Variants in MYO5C observed in about 807,000 individuals in gnomAD.
MYO5C encodes unconventional myosin-Vc.
MYO5C carries 194 observed loss-of-function variants against 235.7 expected under a neutral mutation model. The ratio of observed to expected loss-of-function variants is 0.82; its 90% CI spans 0.73 to 0.93. The LOEUF (loss-of-function observed/expected upper bound fraction) is 0.93, where lower values mean the gene tolerates loss of function less well. MYO5C is among the 40% of genes least tolerant of loss of function. The pLI is 0.00. For synonymous variants in MYO5C, 707 were observed against 754.8 expected, an observed-to-expected ratio of 0.94 and a Z score of 1.04; for missense variants, 2,038 against 2,127.2, an observed-to-expected ratio of 0.96 and a Z score of 0.82.
Position 52,295,658 on chromosome 15 carries a change from G to T in MYO5C, c.-22C>A. On this transcript the variant is annotated 5_prime_UTR_variant, in exon 1 of 41. The change creates a new upstream start codon in the 5' untranslated region. Transcript: ENST00000261839. The stretch of plus-strand genomic sequence containing the variant: ...CCATGGGCAGGAGGGGCCGGGGCCA[G>T]GCCGGGGCTGCCGAACGTGCGAGGC... 1 of 1,426,928 alleles carries T rather than the reference G, an allele frequency of 7.0e-7. No individual in the cohort carries two copies. Among genetic ancestry groups the T allele is most frequent in the South Asian group, 1.5e-5 (1 of 68,280 alleles). 88.4% of individuals were successfully genotyped at this position (1,426,928 alleles called of 1,614,324 possible).
At chr15:52,207,733 G>C (rs768512356) in intron 36 of MYO5C, among the ~76,000 whole-genome samples, 2 of 152,114 alleles carry the variant, frequency 1.3e-5, no homozygotes, top group African/African-American at 2.4e-5. Context: ...AGGAAAATTA[G>C]AAGCTAAGCT....
At chr15:52,196,925 TTA>T (rs1171387837) in intron 38 of MYO5C, among the ~76,000 whole-genome samples, 2 of 152,188 alleles carry the variant, frequency 1.3e-5, no homozygotes, top group African/African-American at 4.8e-5. Context: ...CCACATGGGT[TTA>T]TGAGTTAAGA....
chr15:52,279,700 C>G, intron 2 of MYO5C, 26 bp from the exon 3 acceptor site: 1 of 1,588,714 alleles, frequency 6.3e-7, no homozygotes, highest in Non-Finnish European at 8.6e-7. Context: ...AAAATTAAAG[C>G]TCTGGAAATA....
chr15:52,262,714 A>G (rs1784462179), intron 9 of MYO5C, among the ~76,000 whole-genome samples: 1 of 152,206 alleles, frequency 6.6e-6, no homozygotes, highest in Non-Finnish European at 1.5e-5. Flanking sequence ...CTCATGCTCC[A>G]CTCAGCTCTG....
intron 7 of MYO5C, 134 bp downstream of exon 7, chr15:52,271,629 T>C: frequency 2.0e-6 from 1 of 511,844 alleles, no homozygotes; most frequent in Non-Finnish European, 3.4e-6. Context: ...GCACCAATTC[T>C]GTCCCTGAAA....
intron 37 of MYO5C, 31 bp from the exon 38 acceptor site, chr15:52,205,178 C>G (rs376962592): frequency 1.9e-6 from 3 of 1,605,808 alleles, no homozygotes; most frequent in Non-Finnish European, 2.6e-6. Flanking sequence ...TGTGCTGACA[C>G]GCCAGGAGAC....
Position 52,282,672 on chromosome 15 carries a change from G to A in MYO5C, c.138+110C>T, listed in dbSNP as rs544029680. 153 of 739,786 alleles carry A rather than the reference G, an allele frequency of 2.1e-4. 1 individual carries two copies. The African/African-American group carries it at 2.3e-3, about 11-fold the overall frequency. 45.8% of individuals were successfully genotyped at this position (739,786 alleles called of 1,614,324 possible). ...TTGGGAATGGTGCTGGTGCCCACTC[G>A]TGCGCCCTCCCCTGGGTGCCTCCCA... On this transcript the variant is annotated intron_variant, in intron 2 of 40. Coordinates refer to ENST00000261839, the MANE Select transcript of MYO5C (RefSeq NM_018728.4).
intron 38 of MYO5C, among the ~76,000 whole-genome samples, chr15:52,201,200 A>G (rs2035180119): frequency 6.6e-6 from 1 of 152,190 alleles, no homozygotes; most frequent in African/African-American, 2.4e-5. Flanking sequence ...AATTCCAAAC[A>G]GGCTAAACCA....
At chr15:52,246,184 G>C in intron 16 of MYO5C, 142 bp from the exon 17 acceptor site, 1 of 652,162 alleles carries the variant, frequency 1.5e-6, no homozygotes, top group Non-Finnish European at 2.7e-6. Flanking sequence ...GCATGACCAA[G>C]AAAAATAGCA....
In MYO5C at chr15:52,244,497, T is replaced by A; in HGVS notation, c.2249A>T (p.Lys750Ile). ...CTGCCTCAGTTTATCCAATCGAAGT[T>A]TCTCTAAATAAGCCACTTGTCCTGC... Reference protein sequence around the residue: ...FRAGQVAYLEKLRLDKLRQSC... With the variant: ...FRAGQVAYLEILRLDKLRQSC... Residue 750 changes from lysine to isoleucine, a missense_variant, in exon 19 of 41, where the codon AAA becomes ATA. Physicochemically the swap from Lys to Ile is moderately radical, Grantham distance 102. Coordinates refer to ENST00000261839, the MANE Select transcript of MYO5C (RefSeq NM_018728.4). 1 of 1,614,216 alleles carries A rather than the reference T, an allele frequency of 6.2e-7. No homozygotes were observed. Among genetic ancestry groups the A allele is most frequent in the Non-Finnish European group, 8.5e-7 (1 of 1,180,048 alleles).
chr15:52,261,936 A>G (rs1210298632), intron 9 of MYO5C, among the ~76,000 whole-genome samples: 1 of 152,178 alleles, frequency 6.6e-6, no homozygotes, highest in Non-Finnish European at 1.5e-5. Flanking sequence ...CTCAGGACAC[A>G]GTGTAGGAAG....
In MYO5C at chr15:52,196,489, G is replaced by A; in HGVS notation, c.4821-6C>T. The A allele has an allele frequency of 6.2e-7, 1 of 1,610,968 alleles. No homozygotes were observed. The highest frequency in any genetic ancestry group is 1.7e-4 in the Middle Eastern group (1 of 6,040). ...CTAAGTAGCTGATATTGCACCTGGAGGGAAAGGCAGAAGAACAGAGAATAC... is the reference window on the plus strand; with the variant it reads ...CTAAGTAGCTGATATTGCACCTGGAAGGAAAGGCAGAAGAACAGAGAATAC... On this transcript the variant is annotated splice_region_variant and splice_polypyrimidine_tract_variant and intron_variant, in intron 38 of 40. Coordinates refer to ENST00000261839, the MANE Select transcript of MYO5C (RefSeq NM_018728.4).
chr15:52,267,005 C>T (rs1285563318), intron 8 of MYO5C, among the ~76,000 whole-genome samples: 1 of 152,240 alleles, frequency 6.6e-6, no homozygotes, highest in Non-Finnish European at 1.5e-5. Context: ...ACTTCTAAGT[C>T]TGTGCACAGG....
chr15:52,220,998 A>C (rs566321161), intron 30 of MYO5C, among the ~76,000 whole-genome samples, 164 bp downstream of exon 30: 1 of 152,144 alleles, frequency 6.6e-6, no homozygotes, highest in East Asian at 1.9e-4. Context: ...AATGTCCTAC[A>C]TACCTTCCCA....
intron 8 of MYO5C, among the ~76,000 whole-genome samples, chr15:52,265,855 T>G (rs2036798852): frequency 6.6e-6 from 1 of 152,094 alleles, no homozygotes; most frequent in Admixed American, 6.5e-5. Context: ...CTACAAAGAT[T>G]AAATAAAATC....
intron 1 of MYO5C, among the ~76,000 whole-genome samples, chr15:52,292,399 T>C (rs1343332210): frequency 6.6e-6 from 1 of 152,144 alleles, no homozygotes; most frequent in Non-Finnish European, 1.5e-5. Context: ...ACTAAGAACA[T>C]AGGTTTTCAA....
rs768433487 is a variant in MYO5C at position 52,196,335 on chromosome 15, G to A, written c.4969C>T (p.Arg1657Cys). 10 of 1,612,922 alleles carry A rather than the reference G, an allele frequency of 6.2e-6. No individual in the cohort carries two copies. Among genetic ancestry groups the A allele is most frequent in the Admixed American group, 1.7e-5 (1 of 59,904 alleles). The part of the protein sequence containing the change: ...TDSDAKEIYE[R>C]CTSLSAVQII... ...TGCACAGCAGACAGTGAGGTGCAGCGTTCGTAGATCTCCTTGGCATCACTG... is the reference window on the plus strand; with the variant it reads ...TGCACAGCAGACAGTGAGGTGCAGCATTCGTAGATCTCCTTGGCATCACTG... Residue 1657 changes from arginine (R) to cysteine (C), a missense_variant, in exon 39 of 41, where the codon CGC becomes TGC. Arg to Cys is a radical substitution (Grantham distance 180, BLOSUM62 -3). Transcript: ENST00000261839.
intron 38 of MYO5C, among the ~76,000 whole-genome samples, chr15:52,203,206 G>A (rs2141263897): frequency 6.6e-6 from 1 of 152,092 alleles, no homozygotes; most frequent in African/African-American, 2.4e-5. Flanking sequence ...TTACAGGTGT[G>A]AGCCACTGTG....
chr15:52,262,699 A>G (rs1363092357), intron 9 of MYO5C, among the ~76,000 whole-genome samples: 2 of 152,212 alleles, frequency 1.3e-5, no homozygotes. Context: ...CGCTAAGCCC[A>G]GGAGCTCATG....
Sources: allele counts gnomAD v4.1 joint callset (sites outside exome capture counted in the v4.1 genomes callset), GRCh38; gene constraint gnomAD v4.1.1; transcripts MANE v1.5; gene names NCBI Gene and HGNC (gene_info 2026-07-23, HGNC 2026-07-21).